Variants in TUNAR observed in about 807,000 individuals in gnomAD.
TUNAR encodes protein TUNAR.
chr14:95,908,087 G>A (rs1054282591), intron 2 of TUNAR, among the ~76,000 whole-genome samples: 1 of 152,192 alleles, frequency 6.6e-6, no homozygotes, highest in African/African-American at 2.4e-5. Flanking sequence ...TGGCCTTAAG[G>A]TGGAGCATTC....
chr14:95,903,944 G>A (rs1043409663), intron 2 of TUNAR, among the ~76,000 whole-genome samples: 1 of 152,216 alleles, frequency 6.6e-6, no homozygotes, highest in Non-Finnish European at 1.5e-5. Flanking sequence ...CTTCCCAAGA[G>A]GGAGTGTTCC....
chr14:95,907,130 C>T (rs1029538648), intron 2 of TUNAR, among the ~76,000 whole-genome samples: 1 of 152,168 alleles, frequency 6.6e-6, no homozygotes, highest in East Asian at 1.9e-4. Context: ...TAGGGTCCTT[C>T]CTCCTTCCTT....
chr14:95,887,894 G>GT (rs1449698568), intron 2 of TUNAR, among the ~76,000 whole-genome samples: 1 of 152,208 alleles, frequency 6.6e-6, no homozygotes, highest in Non-Finnish European at 1.5e-5. Flanking sequence ...AGTTCCTTTT[G>GT]TTTTCCTGGG....
chr14:95,904,201 T>A (rs1246273500), intron 2 of TUNAR, among the ~76,000 whole-genome samples: 3 of 152,182 alleles, frequency 2.0e-5, no homozygotes, highest in Non-Finnish European at 4.4e-5. Context: ...CCTTGCTTGA[T>A]CCTGCTGGAG....
intron 2 of TUNAR, among the ~76,000 whole-genome samples, chr14:95,891,951 T>C (rs1452636008): frequency 6.6e-6 from 1 of 152,268 alleles, no homozygotes; most frequent in Non-Finnish European, 1.5e-5. Context: ...ACCTTCTCCC[T>C]GTGCATCTAT....
chr14:95,923,426 A>AGGC (rs1889731017), exon 3 of TUNAR: 1 of 153,742 alleles, frequency 6.5e-6, no homozygotes, highest in African/African-American at 2.4e-5. Flanking sequence ...GCCCTTTGAC[A>AGGC]GGCATCCCAT....
intron 2 of TUNAR, among the ~76,000 whole-genome samples, chr14:95,898,165 G>A (rs1457461767): frequency 6.6e-6 from 1 of 152,218 alleles, no homozygotes; most frequent in African/African-American, 2.4e-5. Flanking sequence ...TGCTCACACT[G>A]AAGGTCGATT....
chr14:95,916,447 G>T (rs116801103), intron 2 of TUNAR, among the ~76,000 whole-genome samples: 1 of 152,168 alleles, frequency 6.6e-6, no homozygotes, highest in African/African-American at 2.4e-5. Context: ...GCGATGGCAC[G>T]TTCCAGCATT....
chr14:95,921,678 C>T lies in TUNAR; in HGVS notation c.13-1103C>T, dbSNP rs377310428. Reference sequence around the variant, plus strand: ...TGCCCCTCCCTCATGGCAGCCTGCTCCACTCTTGCCTGGAGAAAGCCACTC... The same window carrying T: ...TGCCCCTCCCTCATGGCAGCCTGCTTCACTCTTGCCTGGAGAAAGCCACTC... On this transcript the variant is annotated intron_variant, in intron 2 of 2. Transcript: ENST00000678517. Among the ~76,000 whole-genome samples the T allele has an allele frequency of 7.2e-5, 11 of 152,164 alleles. No homozygotes were observed. In the East Asian group the frequency reaches 1.5e-3, roughly 21 times the overall value.
chr14:95,920,653 C>T (rs1248797793), intron 2 of TUNAR, among the ~76,000 whole-genome samples: 1 of 152,182 alleles, frequency 6.6e-6, no homozygotes, highest in African/African-American at 2.4e-5. Context: ...CATGTCCTGT[C>T]CTCCGGATCC....
intron 2 of TUNAR, among the ~76,000 whole-genome samples, chr14:95,880,865 C>G (rs1888968355): frequency 6.6e-6 from 1 of 152,182 alleles, no homozygotes; most frequent in Non-Finnish European, 1.5e-5. Flanking sequence ...ACCACCAGCC[C>G]TTAAACACTT....
At chr14:95,922,559 T>C (rs1231714225) in intron 2 of TUNAR, among the ~76,000 whole-genome samples, 7 of 152,218 alleles carry the variant, frequency 4.6e-5, no homozygotes. Flanking sequence ...CTCCTCTCTC[T>C]GTACCAATGT....
intron 2 of TUNAR, among the ~76,000 whole-genome samples, chr14:95,920,763 TC>T (rs2139673797): frequency 6.6e-6 from 1 of 152,270 alleles, no homozygotes; most frequent in South Asian, 2.1e-4. Context: ...CATTTCACAT[TC>T]CCACATTCCT....
chr14:95,904,708 C>T (rs1889403868), intron 2 of TUNAR, among the ~76,000 whole-genome samples: 1 of 152,228 alleles, frequency 6.6e-6, no homozygotes, highest in Non-Finnish European at 1.5e-5. Context: ...TGGGGAGCCC[C>T]TTCCAGGCCT....
At chr14:95,920,616 C>A (rs747714332) in intron 2 of TUNAR, among the ~76,000 whole-genome samples, 49 of 152,182 alleles carry the variant, frequency 3.2e-4, no homozygotes, top group Non-Finnish European at 6.3e-4. Flanking sequence ...GATGTGCTTG[C>A]CTCTCGTTCA....
intron 2 of TUNAR, among the ~76,000 whole-genome samples, chr14:95,881,798 G>C (rs1241743758): frequency 6.6e-6 from 1 of 152,186 alleles, no homozygotes; most frequent in African/African-American, 2.4e-5. Flanking sequence ...CCAGAGTCCT[G>C]TTGGTAACAC....
intron 2 of TUNAR, among the ~76,000 whole-genome samples, chr14:95,919,541 C>T (rs1169010800): frequency 6.6e-6 from 1 of 151,694 alleles, no homozygotes; most frequent in East Asian, 1.9e-4. Context: ...GACCCAGTCT[C>T]TACAAAAAGA....
chr14:95,900,108 C>T (rs58131140), intron 2 of TUNAR, among the ~76,000 whole-genome samples: 26,658 of 151,810 alleles, frequency 0.18, 5,288 homozygotes, highest in African/African-American at 0.49. Flanking sequence ...TCCTTTTTTT[C>T]CCCCATTTAT....
chr14:95,902,204 G>GT (rs906695677), intron 2 of TUNAR, among the ~76,000 whole-genome samples: 26 of 151,542 alleles, frequency 1.7e-4, no homozygotes, highest in African/African-American at 4.6e-4. Flanking sequence ...TTTTTTTCAA[G>GT]TTTTTTTTTA....
Sources: allele counts gnomAD v4.1 joint callset (sites outside exome capture counted in the v4.1 genomes callset), GRCh38; gene constraint gnomAD v4.1.1; transcripts MANE v1.5; gene names NCBI Gene and HGNC (gene_info 2026-07-23, HGNC 2026-07-21).